Variants in CSMD3 observed in about 807,000 individuals in gnomAD.
CSMD3 encodes CUB and Sushi multiple domains 3, also known as CUB and sushi domain-containing protein 3.
Under a neutral mutation model 435.2 loss-of-function variants are expected in CSMD3, and 177 were observed. That is an observed-to-expected ratio of 0.41 (90% confidence interval 0.36 to 0.46). The LOEUF is 0.46. CSMD3 is among the 20% of genes least tolerant of loss of function. The pLI is 0.34. For missense variants in CSMD3, 4,265 were observed against 4,504.6 expected (o/e 0.95, Z 1.52); for synonymous variants, 1,656 against 1,520.5 (o/e 1.09, Z -2.07).
At chr8:112,437,992 C>A (rs527891380) in intron 32 of CSMD3, among the ~76,000 whole-genome samples, 2 of 152,200 alleles carry the variant, frequency 1.3e-5, no homozygotes, top group South Asian at 4.1e-4. Context: ...CTCATCTACC[C>A]CACATTATTA....
chr8:112,913,340 C>T (rs565080630), intron 10 of CSMD3, among the ~76,000 whole-genome samples: 2 of 151,830 alleles, frequency 1.3e-5, no homozygotes, highest in African/African-American at 4.8e-5. Flanking sequence ...GTTCACGCTC[C>T]TATGACAATC....
At chr8:113,180,720 A>G (rs1056065421) in intron 3 of CSMD3, among the ~76,000 whole-genome samples, 7 of 152,090 alleles carry the variant, frequency 4.6e-5, no homozygotes, top group Admixed American at 3.9e-4. Flanking sequence ...GAGTTGCAGG[A>G]ATAGCATGAT....
At chr8:113,331,204 T>C (rs1050193060) in intron 1 of CSMD3, among the ~76,000 whole-genome samples, 2 of 151,344 alleles carry the variant, frequency 1.3e-5, no homozygotes. Context: ...TCAAATGAAA[T>C]GAACAAATTC....
At chr8:112,455,886 A>C (rs533187924) in intron 32 of CSMD3, among the ~76,000 whole-genome samples, 3 of 152,248 alleles carry the variant, frequency 2.0e-5, no homozygotes, top group South Asian at 2.1e-4. Flanking sequence ...GGAAGGCATA[A>C]ATTTTATAGT....
chr8:112,862,618 T>C (rs1192721357), intron 10 of CSMD3, among the ~76,000 whole-genome samples: 1 of 152,026 alleles, frequency 6.6e-6, no homozygotes, highest in Non-Finnish European at 1.5e-5. Flanking sequence ...TTATGTTTTA[T>C]AGTTGAAAAA....
intron 5 of CSMD3, among the ~76,000 whole-genome samples, chr8:113,035,730 G>T (rs1158593831): frequency 1.3e-5 from 2 of 151,796 alleles, no homozygotes; most frequent in Non-Finnish European, 2.9e-5. Context: ...TGTGCTTAGA[G>T]GCATAAAATT....
intron 31 of CSMD3, among the ~76,000 whole-genome samples, chr8:112,488,172 C>T (rs73700940): frequency 0.017 from 2,633 of 152,252 alleles, 77 homozygotes; most frequent in African/African-American, 0.06. Context: ...CTCTTAAAAA[C>T]ATTTTCTTCA....
intron 1 of CSMD3, among the ~76,000 whole-genome samples, chr8:113,418,326 A>G (rs1238935278): frequency 6.6e-6 from 1 of 152,156 alleles, no homozygotes; most frequent in Non-Finnish European, 1.5e-5. Context: ...TATTCTGCAC[A>G]TATCTTTTAA....
chr8:112,744,442 C>CT (rs563116695), intron 13 of CSMD3, among the ~76,000 whole-genome samples: 1 of 151,902 alleles, frequency 6.6e-6, no homozygotes, highest in South Asian at 2.1e-4. Flanking sequence ...CATAGGAAGA[C>CT]TTTTTTTGTG....
intron 68 of CSMD3, among the ~76,000 whole-genome samples, chr8:112,232,617 G>T (rs1234946487): frequency 6.6e-6 from 1 of 152,034 alleles, no homozygotes; most frequent in African/African-American, 2.4e-5. Flanking sequence ...CAAAAAAAAT[G>T]AAAGTATTTT....
intron 41 of CSMD3, among the ~76,000 whole-genome samples, chr8:112,344,115 C>T (rs1825448886): frequency 6.6e-6 from 1 of 152,074 alleles, no homozygotes; most frequent in South Asian, 2.1e-4. Context: ...ATCTCCTGAC[C>T]TTGTGATCTG....
At chr8:112,893,856 T>C (rs1228090640) in intron 10 of CSMD3, among the ~76,000 whole-genome samples, 2 of 151,504 alleles carry the variant, frequency 1.3e-5, no homozygotes, top group African/African-American at 2.4e-5. Context: ...CAAAGTAATA[T>C]ACAGAAAGAA....
At chr8:113,281,269 G>A (rs117314931) in intron 2 of CSMD3, among the ~76,000 whole-genome samples, 2,550 of 151,834 alleles carry the variant, frequency 0.017, 164 homozygotes, top group East Asian at 0.12. Context: ...GTGGAGTGTT[G>A]AAGTCCCCCA....
intron 13 of CSMD3, among the ~76,000 whole-genome samples, chr8:112,722,963 A>T (rs2076891192): frequency 6.6e-6 from 1 of 152,082 alleles, no homozygotes; most frequent in Non-Finnish European, 1.5e-5. Context: ...ACAGAAATTA[A>T]CACTTTAGAA....
intron 22 of CSMD3, among the ~76,000 whole-genome samples, chr8:112,628,751 A>T (rs536413142): frequency 1.3e-5 from 2 of 152,142 alleles, no homozygotes; most frequent in Non-Finnish European, 2.9e-5. Flanking sequence ...TAGAAAGGGG[A>T]GATATGGAAA....
intron 13 of CSMD3, among the ~76,000 whole-genome samples, chr8:112,697,496 C>G (rs1180782634): frequency 2.0e-5 from 3 of 151,838 alleles, no homozygotes; most frequent in African/African-American, 7.3e-5. Context: ...GGACAAAAAA[C>G]CAAACACCAC....
At chr8:113,131,227 T>C (rs950450660) in intron 4 of CSMD3, among the ~76,000 whole-genome samples, 2 of 151,694 alleles carry the variant, frequency 1.3e-5, no homozygotes, top group African/African-American at 4.8e-5. Flanking sequence ...TAACAAGGAG[T>C]CAAATGTTAA....
At chr8:112,657,045 C>CT (rs904691815) in intron 17 of CSMD3, among the ~76,000 whole-genome samples, 5 of 147,736 alleles carry the variant, frequency 3.4e-5, no homozygotes, top group African/African-American at 1.2e-4. Context: ...GCCTTAAAAA[C>CT]TTTTTTTTCT....
intron 20 of CSMD3, among the ~76,000 whole-genome samples, chr8:112,639,729 A>T (rs1222018869): frequency 1.3e-5 from 2 of 152,112 alleles, no homozygotes; most frequent in African/African-American, 4.8e-5. Context: ...GGTATGTGAA[A>T]TTTCTCAATA....
Sources: gnomAD v4.1 joint callset for allele counts (sites outside exome capture counted in the v4.1 genomes callset) on GRCh38, gnomAD v4.1.1 for gene constraint, MANE v1.5 for transcripts, NCBI Gene and HGNC (gene_info 2026-07-23, HGNC 2026-07-21) for gene names.